The following TXNDC12 variants were observed in gnomAD, a reference collection of about 807,000 sequenced individuals.
TXNDC12 encodes the protein thioredoxin domain containing 12.
A neutral mutation model predicts 24.2 loss-of-function variants in TXNDC12; 22 were observed. The observed-to-expected ratio is 0.91, with a 90% CI of 0.65 to 1.30. TXNDC12 has a LOEUF of 1.30. TXNDC12 is among the 50% of genes most tolerant of loss of function. The pLI, the probability that TXNDC12 is intolerant of heterozygous loss-of-function variation, is 0.00. For missense variants in TXNDC12, 184 were observed against 205.8 expected (o/e 0.89, Z 0.65); for synonymous variants, 58 against 73.4 (o/e 0.79, Z 1.07).
At chr1:52,043,125 C>G (rs78156835) in intron 1 of TXNDC12, among the ~76,000 whole-genome samples, 4 of 152,232 alleles carry the variant, frequency 2.6e-5, no homozygotes, top group African/African-American at 7.2e-5. Flanking sequence ...ACAATCACTA[C>G]TACCTGTGCA....
intron 1 of TXNDC12, among the ~76,000 whole-genome samples, chr1:52,050,619 G>C (rs2783186): frequency 0.055 from 8,376 of 152,216 alleles, 287 homozygotes; most frequent in East Asian, 0.13. Context: ...CCAAGCCTCT[G>C]AAACAGGGAA....
chr1:52,028,941 A>G (rs549385978), intron 2 of TXNDC12, among the ~76,000 whole-genome samples: 12 of 152,278 alleles, frequency 7.9e-5, no homozygotes, highest in Non-Finnish European at 1.6e-4. Flanking sequence ...CAGCCTGGCC[A>G]ACATAACAAA....
chr1:52,037,586 A>G (rs1244500477), intron 2 of TXNDC12, among the ~76,000 whole-genome samples: 1 of 152,178 alleles, frequency 6.6e-6, no homozygotes, highest in East Asian at 1.9e-4. Context: ...TCCAACATCA[A>G]AAGAACTTTA....
At chr1:52,033,065 C>T (rs753840698) in intron 2 of TXNDC12, 4 of 1,599,722 alleles carry the variant, frequency 2.5e-6, no homozygotes, top group Admixed American at 1.8e-5. Flanking sequence ...TCTAGGCCCA[C>T]CAAAGTGAAT....
At chr1:52,028,734 G>C in intron 2 of TXNDC12, 104 bp from the exon 3 acceptor site, 1 of 879,172 alleles carries the variant, frequency 1.1e-6, no homozygotes, top group Non-Finnish European at 1.8e-6. Context: ...ATTTCAATTG[G>C]GAAAATCTTT....
upstream of TXNDC12, chr1:52,055,285 G>C (rs1324812475): frequency 1.9e-5 from 11 of 573,270 alleles, no homozygotes; most frequent in East Asian, 3.0e-4. Context: ...TTGGGATGGA[G>C]TGAGCTTAAA....
At chr1:52,026,224 C>T (rs901809144) in intron 4 of TXNDC12, among the ~76,000 whole-genome samples, 1 of 152,100 alleles carries the variant, frequency 6.6e-6, no homozygotes, top group African/African-American at 2.4e-5. Context: ...TGAAAGAGAG[C>T]ACGGCTAGGT....
Position 52,041,421 on chromosome 1 carries a change from A to G in TXNDC12, c.158+116T>C, listed in dbSNP as rs1228029813. ...CATTATTATTGCTGTTGTTGTAATT[A>G]GGCAACTATTCAGTTCTTGCTCTGC... On this transcript the variant is annotated intron_variant, in intron 2 of 6. Transcript: ENST00000371626. 7.0e-6 allele frequency: 4 copies of G among 569,804 alleles called. No homozygotes were observed. In the East Asian group the frequency reaches 1.2e-4, roughly 17 times the overall value. 35.3% of individuals were successfully genotyped at this position (569,804 alleles called of 1,614,324 possible). A position where few individuals can be genotyped will look rare whatever the true frequency, so the allele number is the denominator to read the frequency against.
chr1:52,037,152 C>T (rs1685896601), intron 2 of TXNDC12, among the ~76,000 whole-genome samples: 2 of 151,570 alleles, frequency 1.3e-5, no homozygotes, highest in African/African-American at 4.8e-5. Flanking sequence ...AGGTCCTTAT[C>T]ACCCCCTGAT....
At position 52,046,095 on chromosome 1, in the gene TXNDC12, C is replaced by CCTAG. The variant is rs1243122552; in HGVS notation, c.98-4502_98-4499dup. Among the ~76,000 whole-genome samples, 8 of 152,016 alleles carry CCTAG rather than the reference C, an allele frequency of 5.3e-5. No individual in the cohort carries two copies. The South Asian group carries it at 6.2e-4, about 12-fold the overall frequency. On this transcript the variant is annotated intron_variant, in intron 1 of 6. Transcript: ENST00000371626. The stretch of plus-strand genomic sequence containing the variant: ...AGGTGTGGTGGTGCATGCCTATAGT[C>CCTAG]CTAGCTACTTGGGAGGCAGGGGCAG...
upstream of TXNDC12, chr1:52,055,307 C>T (rs1686318842): frequency 1.1e-5 from 6 of 535,782 alleles, no homozygotes; most frequent in African/African-American, 3.8e-5. Context: ...GTGCAGATCA[C>T]GTAGAAGGGT....
intron 1 of TXNDC12, among the ~76,000 whole-genome samples, chr1:52,054,683 G>A (rs1424977790): frequency 6.6e-6 from 1 of 151,868 alleles, no homozygotes; most frequent in African/African-American, 2.4e-5. Context: ...CAGGTGGGAA[G>A]GTGACCGTTC....
upstream of TXNDC12, chr1:52,055,327 G>C (rs1173864824): frequency 4.3e-5 from 21 of 484,410 alleles, no homozygotes; most frequent in Non-Finnish European, 7.6e-5. Flanking sequence ...TACGAGAGCT[G>C]TTCTCGAGCG....
intron 2 of TXNDC12, among the ~76,000 whole-genome samples, chr1:52,041,127 T>C (rs1685980105): frequency 6.6e-6 from 1 of 150,826 alleles, no homozygotes; most frequent in African/African-American, 2.4e-5. Context: ...GATCAGGAGA[T>C]TGAGACCATC....
chr1:52,033,440 C>A, intron 2 of TXNDC12: 1 of 1,612,716 alleles, frequency 6.2e-7, no homozygotes, highest in Non-Finnish European at 8.5e-7. Context: ...CCGGGCCGTA[C>A]GCAGTAGACC....
Position 52,020,247 on chromosome 1 carries a change from A to G in TXNDC12, c.*686T>C. ...CAAAATGGCTACACCTAGGGCTTGA[A>G]GGTTTGAGTTTCTCCAACAGTAACA... On this transcript the variant is annotated 3_prime_UTR_variant, in exon 7 of 7. Transcript: ENST00000371626. 3.3e-6 allele frequency: 1 copy of G among 303,860 alleles called. No homozygotes were observed. Among genetic ancestry groups the G allele is most frequent in the Non-Finnish European group, 6.5e-6 (1 of 153,510 alleles). The allele number at this position is 303,860 out of a possible 1,614,324, so 18.8% of individuals were successfully genotyped here.
At chr1:52,032,600 T>C in intron 2 of TXNDC12, 2 of 1,496,784 alleles carry the variant, frequency 1.3e-6, no homozygotes, top group East Asian at 2.3e-5. Flanking sequence ...AGTACAGTAC[T>C]GCATCGATAT....
At chr1:52,022,442 A>G (rs1253763066) in intron 6 of TXNDC12, among the ~76,000 whole-genome samples, 1 of 151,998 alleles carries the variant, frequency 6.6e-6, no homozygotes, top group Non-Finnish European at 1.5e-5. Context: ...TGCTTTTCCC[A>G]TTCTGCTACT....
chr1:52,041,591 C>A lies in TXNDC12; in HGVS notation c.104G>T (p.Gly35Val), dbSNP rs780187651. 15 of 1,609,858 alleles carry A rather than the reference C, an allele frequency of 9.3e-6. No individual in the cohort carries two copies. The highest frequency in any genetic ancestry group is 1.3e-5 in the Non-Finnish European group (15 of 1,177,376). ...CAGTGTCCTCCAATGAATATGATCT[C>A]CAAAACCTGGAAGGAAAGAACTTTA... ...DGHNGLGKGF[G>V]DHIHWRTLED... The change falls in exon 2 of 7, where the codon GGA (glycine) becomes GTA (valine). Residue 35 changes from glycine to valine, a missense_variant. Physicochemically the swap from Gly to Val is moderately radical, Grantham distance 109. Coordinates refer to ENST00000371626, the MANE Select transcript of TXNDC12 (RefSeq NM_015913.4).
Sources: gnomAD v4.1 joint callset for allele counts (sites outside exome capture counted in the v4.1 genomes callset) on GRCh38, gnomAD v4.1.1 for gene constraint, MANE v1.5 for transcripts, NCBI Gene and HGNC (gene_info 2026-07-23, HGNC 2026-07-21) for gene names.